CYP20A1: variants seen among roughly 807,000 people sequenced by gnomAD.
CYP20A1 encodes cytochrome P450 family 20 subfamily A member 1, also known as cytochrome P450 20A1.
Under a neutral mutation model 61.4 loss-of-function variants are expected in CYP20A1, and 61 were observed. The observed-to-expected ratio is 0.99, with a 90% confidence interval of 0.81 to 1.23. CYP20A1 has a LOEUF of 1.23. Among genes scored for constraint, CYP20A1 ranks in the 50% most tolerant of loss-of-function variants. CYP20A1 has a pLI of 0.00. For missense variants in CYP20A1, 530 were observed against 542.4 expected (o/e 0.98, Z 0.23); for synonymous variants, 193 against 188.2 (o/e 1.03, Z -0.21).
chr2:203,293,216 C>T (rs73058770), intron 11 of CYP20A1, among the ~76,000 whole-genome samples: 124,226 of 134,606 alleles, frequency 0.92, 57,570 homozygotes, highest in Non-Finnish European at 0.96. Flanking sequence ...ATTTCTCTCT[C>T]TTTTTTTTTT....
intron 6 of CYP20A1, among the ~76,000 whole-genome samples, chr2:203,276,349 A>G (rs2067819280): frequency 6.6e-6 from 1 of 152,146 alleles, no homozygotes; most frequent in South Asian, 2.1e-4. Context: ...TTTTGAGCAG[A>G]GTTACCATCT....
chr2:203,246,469 G>C (rs1377569893), intron 2 of CYP20A1, among the ~76,000 whole-genome samples: 1 of 152,210 alleles, frequency 6.6e-6, no homozygotes, highest in African/African-American at 2.4e-5. Context: ...TAGGTGCTGG[G>C]AAAGTGGGAT....
intron 3 of CYP20A1, among the ~76,000 whole-genome samples, chr2:203,247,484 G>T (rs1018940801): frequency 2.0e-5 from 3 of 151,764 alleles, no homozygotes; most frequent in African/African-American, 7.3e-5. Context: ...ATTTTTTTGG[G>T]ACCCTGAAAA....
At chr2:203,261,898 T>G (rs2067151941) in intron 4 of CYP20A1, among the ~76,000 whole-genome samples, 1 of 152,050 alleles carries the variant, frequency 6.6e-6, no homozygotes, top group African/African-American at 2.4e-5. Flanking sequence ...ACAACTGTTT[T>G]CGGGGAGTTG....
chr2:203,258,048 C>T (rs192607051), intron 4 of CYP20A1, among the ~76,000 whole-genome samples: 112 of 152,280 alleles, frequency 7.4e-4, no homozygotes, highest in African/African-American at 1.1e-3. Context: ...ACCACAGGCA[C>T]GTGCCACCCT....
Position 203,289,877 on chromosome 2 carries a change from G to C in CYP20A1, c.1083+1G>C. 1 of 1,464,544 alleles carries C rather than the reference G, an allele frequency of 6.8e-7. No individual in the cohort carries two copies. Among genetic ancestry groups the C allele is most frequent in the Non-Finnish European group, 9.5e-7 (1 of 1,055,856 alleles). 90.7% of individuals were successfully genotyped at this position (1,464,544 alleles called of 1,614,324 possible). A position where few individuals can be genotyped will look rare whatever the true frequency, so the allele number is the denominator to read the frequency against. On this transcript the variant is annotated splice_donor_variant, in intron 10 of 12. Coordinates refer to ENST00000356079, the MANE Select transcript of CYP20A1 (RefSeq NM_177538.3). LOFTEE classifies it high-confidence loss of function. The stretch of plus-strand genomic sequence containing the variant: ...TGACCGATTTATTATTCCTAGAGAG[G>C]TAGAAAACCTTTAATATGTTTAATT...
Position 203,304,292 on chromosome 2 carries a change from A to C in CYP20A1, c.*7384A>C, listed in dbSNP as rs1028518074. ...GGCTCACTACAACCTCCATCTCCCC[A>C]GTTCAAGCGATTCTCCTGCCTCAGC... On this transcript the variant is annotated 3_prime_UTR_variant, in exon 13 of 13. Coordinates refer to ENST00000356079, the MANE Select transcript of CYP20A1 (RefSeq NM_177538.3). Among the ~76,000 whole-genome samples, 5 of 151,702 alleles carry C rather than the reference A, an allele frequency of 3.3e-5. No homozygotes were observed. Among genetic ancestry groups the C allele is most frequent in the African/African-American group, 1.2e-4 (5 of 41,354 alleles).
At chr2:203,249,008 G>C (rs1232774929) in intron 3 of CYP20A1, among the ~76,000 whole-genome samples, 1 of 152,086 alleles carries the variant, frequency 6.6e-6, no homozygotes, top group Non-Finnish European at 1.5e-5. Context: ...ACTTCACCTG[G>C]CCTCTGCCTT....
chr2:203,257,743 C>T (rs1329981478), intron 4 of CYP20A1, among the ~76,000 whole-genome samples: 7 of 151,462 alleles, frequency 4.6e-5, no homozygotes, highest in Non-Finnish European at 7.4e-5. Flanking sequence ...AAGCTGAGAT[C>T]GCTCCACTGC....
chr2:203,251,617 A>G (rs563916938), intron 3 of CYP20A1, among the ~76,000 whole-genome samples: 1 of 150,226 alleles, frequency 6.7e-6, no homozygotes, highest in African/African-American at 2.4e-5. Context: ...TAGAAGTACA[A>G]AATTAGCCAG....
chr2:203,262,186 A>T (rs893352934), intron 4 of CYP20A1, among the ~76,000 whole-genome samples: 1 of 152,218 alleles, frequency 6.6e-6, no homozygotes, highest in Non-Finnish European at 1.5e-5. Flanking sequence ...AAAAATATGT[A>T]AAGGACCCAA....
chr2:203,294,941 ATT>A (rs1167546590), intron 11 of CYP20A1, among the ~76,000 whole-genome samples: 21 of 45,464 alleles, frequency 4.6e-4, no homozygotes, highest in African/African-American at 1.6e-3. Flanking sequence ...CTTTAAAAAA[ATT>A]TTTTTTTTTT....
intron 7 of CYP20A1, among the ~76,000 whole-genome samples, chr2:203,279,758 C>A (rs1559102222): frequency 6.6e-6 from 1 of 152,140 alleles, no homozygotes; most frequent in African/African-American, 2.4e-5. Context: ...GTAATACTCA[C>A]AACAAATACC....
rs2069058432 is a variant in CYP20A1, at chr2:203,302,450, C to G, written c.*5542C>G. Among the ~76,000 whole-genome samples the G allele has an allele frequency of 6.6e-6, 1 of 152,178 alleles. No homozygotes were observed. Among genetic ancestry groups the G allele is most frequent in the African/African-American group, 2.4e-5 (1 of 41,452 alleles). ...TCAGGAGGCTGAGGCGAGAGGATGG[C>G]TTGAGCTCAGGAAGTCAAGGCTACA... On this transcript the variant is annotated 3_prime_UTR_variant, in exon 13 of 13. Coordinates refer to ENST00000356079, the MANE Select transcript of CYP20A1 (RefSeq NM_177538.3).
intron 2 of CYP20A1, 107 bp from the exon 3 acceptor site, chr2:203,246,648 G>A: frequency 8.9e-7 from 1 of 1,122,664 alleles, no homozygotes; most frequent in East Asian, 2.5e-5. Context: ...TGAATTTCAT[G>A]AACCTTTGTT....
At chr2:203,245,508 G>A (rs1481021086) in intron 1 of CYP20A1, among the ~76,000 whole-genome samples, 2 of 151,818 alleles carry the variant, frequency 1.3e-5, no homozygotes, top group Non-Finnish European at 2.9e-5. Context: ...CTCACCCTCC[G>A]AAAGGCCCCA....
At chr2:203,271,052 GTGTATATATA>G (rs776578977) in intron 5 of CYP20A1, among the ~76,000 whole-genome samples, 769 of 45,678 alleles carry the variant, frequency 0.017, 34 homozygotes, top group African/African-American at 0.029. Context: ...ATATGTATAT[GTGTATATATA>G]TATATATATA....
chr2:203,252,235 G>T, intron 4 of CYP20A1, 126 bp downstream of exon 4: 52 of 691,708 alleles, frequency 7.5e-5, no homozygotes, highest in East Asian at 1.1e-4. Context: ...ATTTTATTCT[G>T]AAATTAAAAA....
chr2:203,278,734 G>A (rs2067924372), intron 7 of CYP20A1, 46 bp downstream of exon 7: 1 of 1,078,886 alleles, frequency 9.3e-7, no homozygotes, highest in Non-Finnish European at 1.4e-6. Context: ...ATAAGCCAGA[G>A]CCAGGCACAA....
Sources: allele counts gnomAD v4.1 joint callset (sites outside exome capture counted in the v4.1 genomes callset), GRCh38; gene constraint gnomAD v4.1.1; transcripts MANE v1.5; gene names NCBI Gene and HGNC (gene_info 2026-07-23, HGNC 2026-07-21).